The following MEGF11 variants were observed in gnomAD, a reference collection of about 807,000 sequenced individuals.
MEGF11 encodes the protein multiple epidermal growth factor-like domains protein 11.
MEGF11 carries 126 observed loss-of-function variants against 146.6 expected under a neutral mutation model. The ratio of observed to expected loss-of-function variants is 0.86; its 90% confidence interval spans 0.74 to 1.00. The LOEUF is 1.00. MEGF11 is among the 50% of genes least tolerant of loss of function. The pLI, the probability that MEGF11 is intolerant of heterozygous loss-of-function variation, is 0.00. For missense variants in MEGF11, 1,509 were observed against 1,521.2 expected, an observed-to-expected ratio of 0.99 and a Z score of 0.13; for synonymous variants, 532 against 583.4, an observed-to-expected ratio of 0.91 and a Z score of 1.27.
At chr15:66,015,032 T>G (rs2082839404) in intron 5 of MEGF11, among the ~76,000 whole-genome samples, 2 of 152,284 alleles carry the variant, frequency 1.3e-5, no homozygotes, top group South Asian at 2.1e-4. Context: ...CCACCATGAT[T>G]GCTTTCAAGC....
At chr15:66,251,860 A>C (rs1418762711) in intron 1 of MEGF11, among the ~76,000 whole-genome samples, 1 of 152,232 alleles carries the variant, frequency 6.6e-6, no homozygotes, top group Non-Finnish European at 1.5e-5. Flanking sequence ...CTAGCGGCTT[A>C]AACAAAATGT....
At chr15:66,098,132 G>A (rs114485500) in intron 4 of MEGF11, among the ~76,000 whole-genome samples, 1,545 of 152,278 alleles carry the variant, frequency 0.01, 31 homozygotes, top group African/African-American at 0.035. Flanking sequence ...GTGTTCAGAG[G>A]TACAGATGGA....
chr15:66,048,467 C>T (rs1362990638), intron 5 of MEGF11, among the ~76,000 whole-genome samples: 2 of 152,240 alleles, frequency 1.3e-5, no homozygotes, highest in Non-Finnish European at 2.9e-5. Flanking sequence ...TCTCTGCAGC[C>T]CAGGGGCTCT....
At chr15:66,228,629 A>G (rs1340390258) in intron 1 of MEGF11, among the ~76,000 whole-genome samples, 1 of 152,194 alleles carries the variant, frequency 6.6e-6, no homozygotes, top group African/African-American at 2.4e-5. Context: ...CCCACACGAC[A>G]GAACCATCTC....
At chr15:65,964,288 CAG>C (rs1345666669) in intron 9 of MEGF11, among the ~76,000 whole-genome samples, 1 of 152,230 alleles carries the variant, frequency 6.6e-6, no homozygotes, top group Admixed American at 6.5e-5. Context: ...ACAAACGACA[CAG>C]AGTGCTGGGG....
At chr15:66,236,898 A>T (rs1292308430) in intron 1 of MEGF11, among the ~76,000 whole-genome samples, 2 of 152,116 alleles carry the variant, frequency 1.3e-5, no homozygotes, top group African/African-American at 4.8e-5. Context: ...GAAGAACAAG[A>T]CTGCTGTCCC....
At chr15:66,203,324 A>G (rs941268043) in intron 1 of MEGF11, among the ~76,000 whole-genome samples, 2 of 152,212 alleles carry the variant, frequency 1.3e-5, no homozygotes, top group Admixed American at 6.5e-5. Context: ...TTTGCAGTGG[A>G]AGGGAAAAGT....
At chr15:66,159,256 G>C (rs1425950806) in intron 1 of MEGF11, among the ~76,000 whole-genome samples, 1 of 152,218 alleles carries the variant, frequency 6.6e-6, no homozygotes, top group Admixed American at 6.5e-5. Flanking sequence ...ACAATGCCCA[G>C]AGGGCCTTGT....
intron 1 of MEGF11, among the ~76,000 whole-genome samples, chr15:66,140,405 G>A (rs950560659): frequency 1.4e-5 from 2 of 144,470 alleles, no homozygotes; most frequent in Admixed American, 1.4e-4. Context: ...CAAAATGGAG[G>A]CAGGGGCAGG....
Position 66,094,489 on chromosome 15 carries a change from A to T in MEGF11, c.307T>A (p.Cys103Ser), listed in dbSNP as rs1347780315. Residue 103 changes from cysteine (C) to serine (S), a missense_variant, in exon 5 of 26, where the codon TGT becomes AGT. Transcript: ENST00000395614. The stretch of plus-strand genomic sequence containing the variant: ...CGGCCGTGCACACACTCCTCCGTAC[A>T]CAGGGCTGAGGGGACATGGGGAGAG... ...YESGDFCIPL[C>S]TEECVHGRCV... The T allele has an allele frequency of 6.4e-7, 1 of 1,560,272 alleles. No individual in the cohort carries two copies. The highest frequency in any genetic ancestry group is 1.2e-5 in the South Asian group (1 of 84,498).
chr15:66,195,482 T>C (rs1387046578), intron 1 of MEGF11, among the ~76,000 whole-genome samples: 4 of 152,086 alleles, frequency 2.6e-5, no homozygotes, highest in Non-Finnish European at 5.9e-5. Context: ...GACAAAGGTA[T>C]GTGTGCAGGT....
chr15:66,134,717 A>G (rs4776742), intron 1 of MEGF11, among the ~76,000 whole-genome samples: 95,657 of 152,168 alleles, frequency 0.63, 32,891 homozygotes, highest in South Asian at 0.84. Flanking sequence ...CAGCGGGGAG[A>G]AGGGCGCTGA....
chr15:65,944,635 G>GTGT (rs1197977806), intron 10 of MEGF11, among the ~76,000 whole-genome samples: 3 of 152,270 alleles, frequency 2.0e-5, no homozygotes, highest in East Asian at 3.9e-4. Context: ...GAGTGACTCA[G>GTGT]TGTTCCAGCC....
intron 10 of MEGF11, among the ~76,000 whole-genome samples, chr15:65,938,211 CTTGT>C (rs1360668341): frequency 1.3e-5 from 2 of 152,354 alleles, no homozygotes; most frequent in African/African-American, 2.4e-5. Flanking sequence ...GTCCAGCTGC[CTTGT>C]TTTATAGGTG....
chr15:66,213,104 T>C (rs570399717), intron 1 of MEGF11, among the ~76,000 whole-genome samples: 22 of 152,272 alleles, frequency 1.4e-4, no homozygotes, highest in African/African-American at 5.3e-4. Context: ...ACTGGGGAAG[T>C]GCTGGTGAGC....
At chr15:66,153,806 C>T (rs149378553) in intron 1 of MEGF11, among the ~76,000 whole-genome samples, 3 of 152,236 alleles carry the variant, frequency 2.0e-5, no homozygotes, top group African/African-American at 2.4e-5. Context: ...CTCTACTCCC[C>T]GGGCACTCTG....
chr15:66,064,091 T>C (rs8025652), intron 5 of MEGF11, among the ~76,000 whole-genome samples: 149,176 of 152,282 alleles, frequency 0.98, 73,153 homozygotes, highest in East Asian at 1. Flanking sequence ...AAATACTGGC[T>C]GGGCGCAGTG....
chr15:66,207,269 A>G (rs1429007621), intron 1 of MEGF11, among the ~76,000 whole-genome samples: 1 of 152,238 alleles, frequency 6.6e-6, no homozygotes, highest in Non-Finnish European at 1.5e-5. Flanking sequence ...CAAACTGTTA[A>G]AAGATAAAGA....
intron 9 of MEGF11, among the ~76,000 whole-genome samples, chr15:65,963,559 A>G (rs1168817372): frequency 6.6e-6 from 1 of 152,022 alleles, no homozygotes; most frequent in Admixed American, 6.5e-5. Flanking sequence ...AAATAAAGCT[A>G]TGCCTCACTA....
Sources: gnomAD v4.1 joint callset for allele counts (sites outside exome capture counted in the v4.1 genomes callset) on GRCh38, gnomAD v4.1.1 for gene constraint, MANE v1.5 for transcripts, NCBI Gene and HGNC (gene_info 2026-07-23, HGNC 2026-07-21) for gene names.